The following DIP2C variants were observed in gnomAD, a reference collection of about 807,000 sequenced individuals.
DIP2C encodes DIP2 acetate--CoA ligase C (putative), also known as disco-interacting protein 2 homolog C.
A neutral mutation model predicts 192.4 loss-of-function variants in DIP2C; 33 were observed. That is an observed-to-expected ratio of 0.17 (90% CI 0.13 to 0.23). The LOEUF (loss-of-function observed/expected upper bound fraction) is 0.23, where lower values mean the gene tolerates loss of function less well. Among genes scored for constraint, DIP2C ranks in the 10% least tolerant of loss-of-function variants. DIP2C has a pLI of 1.00. For synonymous variants in DIP2C, 979 were observed against 864.1 expected, an observed-to-expected ratio of 1.13 and a Z score of -2.33; for missense variants, 1,537 against 2,110.1, an observed-to-expected ratio of 0.73 and a Z score of 5.32.
chr10:447,778 C>A (rs1359623419), intron 3 of DIP2C, among the ~76,000 whole-genome samples: 1 of 106,248 alleles, frequency 9.4e-6, no homozygotes, highest in African/African-American at 5.8e-5. Flanking sequence ...CCCGTCTATA[C>A]TCAGGATCAC....
chr10:351,226 T>C (rs1958794059), intron 24 of DIP2C, among the ~76,000 whole-genome samples: 1 of 152,226 alleles, frequency 6.6e-6, no homozygotes. Context: ...TCGGCGATGC[T>C]GGGAAAAGCA....
At chr10:657,226 CCCCTGG>C in intron 1 of DIP2C, among the ~76,000 whole-genome samples, 1 of 101,400 alleles carries the variant, frequency 9.9e-6, no homozygotes, top group African/African-American at 3.7e-5. Context: ...CCTGGACCTG[CCCCTGG>C]ACCTGCCGCT....
intron 18 of DIP2C, among the ~76,000 whole-genome samples, chr10:367,981 C>T (rs4995174): frequency 0.093 from 5,112 of 54,990 alleles, 161 homozygotes; most frequent in South Asian, 0.19. Context: ...GACGGGGGCC[C>T]GGGAAGCCCG....
intron 1 of DIP2C, among the ~76,000 whole-genome samples, chr10:498,727 ACCT>A (rs1232480842): frequency 6.6e-6 from 1 of 150,390 alleles, no homozygotes; most frequent in Non-Finnish European, 1.5e-5. Context: ...CAAGTACAAA[ACCT>A]CCTCTCAGCT....
At chr10:675,003 G>T (rs1352968127) in intron 1 of DIP2C, among the ~76,000 whole-genome samples, 1 of 151,910 alleles carries the variant, frequency 6.6e-6, no homozygotes, top group African/African-American at 2.4e-5. Flanking sequence ...CTTCTCCTCA[G>T]CACATGGAAC....
intron 1 of DIP2C, among the ~76,000 whole-genome samples, chr10:548,443 G>A (rs1298882968): frequency 7.9e-6 from 1 of 126,502 alleles, no homozygotes; most frequent in African/African-American, 3.3e-5. Flanking sequence ...CCACCGGGAT[G>A]GAGGGAGGGA....
chr10:299,849 G>A (rs1955934121), intron 32 of DIP2C, among the ~76,000 whole-genome samples: 1 of 152,140 alleles, frequency 6.6e-6, no homozygotes, highest in Non-Finnish European at 1.5e-5. Flanking sequence ...TAAAAAGTGT[G>A]GAAAAACTTG....
At chr10:331,589 A>T (rs1477313484) in intron 29 of DIP2C, among the ~76,000 whole-genome samples, 1 of 152,246 alleles carries the variant, frequency 6.6e-6, no homozygotes. Context: ...GTTAGGTATT[A>T]CAAGTAATCC....
At chr10:577,213 GAC>G (rs1347356041) in intron 1 of DIP2C, among the ~76,000 whole-genome samples, 5 of 152,170 alleles carry the variant, frequency 3.3e-5, no homozygotes, top group African/African-American at 9.7e-5. Flanking sequence ...ACATAGCACT[GAC>G]ACATGGTACA....
intron 3 of DIP2C, among the ~76,000 whole-genome samples, chr10:472,216 C>G (rs6560845): frequency 6.6e-6 from 1 of 152,142 alleles, no homozygotes; most frequent in African/African-American, 2.4e-5. Context: ...AATTAATATG[C>G]AATTCTGAAT....
intron 32 of DIP2C, among the ~76,000 whole-genome samples, chr10:305,972 A>AATATATATATATATATAT (rs35830495): frequency 2.0e-4 from 30 of 146,342 alleles, no homozygotes; most frequent in African/African-American, 7.8e-4. Context: ...AATGCAGACA[A>AATATATATATATATATAT]ATATATATAT....
intron 31 of DIP2C, 103 bp downstream of exon 31, chr10:326,903 G>A: frequency 7.3e-7 from 1 of 1,377,184 alleles, no homozygotes; most frequent in Non-Finnish European, 9.8e-7. Context: ...TCTTCTGGAT[G>A]TAGCTAAGCA....
intron 1 of DIP2C, among the ~76,000 whole-genome samples, chr10:583,284 G>A (rs79666067): frequency 0.036 from 5,553 of 152,264 alleles, 337 homozygotes; most frequent in African/African-American, 0.12. Flanking sequence ...AAAGGAGAAC[G>A]GAGCACCTCT....
At chr10:580,350 C>T (rs892966131) in intron 1 of DIP2C, among the ~76,000 whole-genome samples, 2 of 152,110 alleles carry the variant, frequency 1.3e-5, no homozygotes, top group East Asian at 1.9e-4. Context: ...AGTGTACATG[C>T]ATGCTTACAG....
chr10:576,672 G>A (rs1850181978), intron 1 of DIP2C, among the ~76,000 whole-genome samples: 1 of 152,192 alleles, frequency 6.6e-6, no homozygotes, highest in Non-Finnish European at 1.5e-5. Flanking sequence ...ACTTTAGGAA[G>A]GTGAGGTGGG....
chr10:668,339 C>T (rs1471218087), intron 1 of DIP2C: 1 of 151,698 alleles, frequency 6.6e-6, no homozygotes, highest in Non-Finnish European at 1.5e-5. Flanking sequence ...ATGTACAAGG[C>T]ACTCACACAA....
intron 1 of DIP2C, among the ~76,000 whole-genome samples, chr10:604,889 C>G (rs1362268285): frequency 6.6e-6 from 1 of 152,146 alleles, no homozygotes; most frequent in East Asian, 1.9e-4. Flanking sequence ...CGGCTGGGCA[C>G]CCGAGTTTCT....
At chr10:539,707 T>G (rs1327511478) in intron 1 of DIP2C, among the ~76,000 whole-genome samples, 1 of 152,264 alleles carries the variant, frequency 6.6e-6, no homozygotes, top group Non-Finnish European at 1.5e-5. Flanking sequence ...TCCACTGATC[T>G]AACTAGTCAT....
chr10:405,466 AATACTT>A (rs1361848951), intron 9 of DIP2C, among the ~76,000 whole-genome samples: 2 of 152,242 alleles, frequency 1.3e-5, no homozygotes, highest in Non-Finnish European at 2.9e-5. Flanking sequence ...AAAAGGGTAA[AATACTT>A]AAAGGCTCTT....
Sources: allele counts gnomAD v4.1 joint callset (sites outside exome capture counted in the v4.1 genomes callset), GRCh38; gene constraint gnomAD v4.1.1; transcripts MANE v1.5; gene names NCBI Gene and HGNC (gene_info 2026-07-23, HGNC 2026-07-21).